Variants in PLEKHG1 observed in about 807,000 individuals in gnomAD.
The protein encoded by PLEKHG1 is pleckstrin homology domain-containing family G member 1.
Under a neutral mutation model 100.8 loss-of-function variants are expected in PLEKHG1, and 44 were observed. The observed-to-expected ratio is 0.44, with a 90% confidence interval of 0.34 to 0.56. The LOEUF is 0.56. Among genes scored for constraint, PLEKHG1 ranks in the 20% least tolerant of loss-of-function variants. The pLI, the probability that PLEKHG1 is intolerant of heterozygous loss-of-function variation, is 0.01. For missense variants in PLEKHG1, 1,545 were observed against 1,720.9 expected (o/e 0.90, Z 1.81); for synonymous variants, 640 against 662.5 (o/e 0.97, Z 0.52).
chr6:150,841,367 C>CGTAAGCCAGAG (rs1404751677), exon 16 of PLEKHG1: 8 of 215,518 alleles, frequency 3.7e-5, no homozygotes, highest in Admixed American at 1.1e-4. Flanking sequence ...TTTGTGGTAA[C>CGTAAGCCAGAG]ACCTTAGGAT....
In PLEKHG1 at chr6:150,738,627, A is replaced by G. The variant is rs185913064; in HGVS notation, c.411+4535A>G. Among the ~76,000 whole-genome samples the G allele has an allele frequency of 2.3e-4, 35 of 152,288 alleles. No individual in the cohort carries two copies. The East Asian group carries it at 6.0e-3, about 26-fold the overall frequency. On this transcript the variant is annotated intron_variant, in intron 2 of 15. Transcript: ENST00000358517. ...AAATGAATTCCTAATGCTTTCTGAA[A>G]GTTGAACCCCAAAATGTGGTGGTTC... is the stretch of plus-strand genomic sequence containing the variant.
intron 3 of PLEKHG1, among the ~76,000 whole-genome samples, chr6:150,695,895 T>C (rs1379402252): frequency 1.3e-5 from 2 of 152,172 alleles, no homozygotes; most frequent in South Asian, 2.1e-4. Flanking sequence ...GTGAAATGAC[T>C]AAGTAGATGT....
intron 3 of PLEKHG1, among the ~76,000 whole-genome samples, chr6:150,781,166 C>T (rs77939291): frequency 0.2 from 30,104 of 149,800 alleles, 4,066 homozygotes; most frequent in African/African-American, 0.37. Flanking sequence ...TAAGCCACCG[C>T]GCCCGGCCAA....
chr6:150,661,216 C>T (rs548758763), intron 3 of PLEKHG1, among the ~76,000 whole-genome samples: 4 of 152,256 alleles, frequency 2.6e-5, no homozygotes, highest in East Asian at 1.9e-4. Flanking sequence ...GCTGGTCCAG[C>T]GCTCACTAAC....
chr6:150,703,229 G>A (rs1196292292), intron 3 of PLEKHG1, among the ~76,000 whole-genome samples: 3 of 152,124 alleles, frequency 2.0e-5, no homozygotes, highest in East Asian at 3.8e-4. Context: ...GAAAGCAGAT[G>A]AGGATGTACA....
intron 3 of PLEKHG1, among the ~76,000 whole-genome samples, chr6:150,677,655 A>C (rs1779805574): frequency 6.6e-6 from 1 of 152,098 alleles, no homozygotes; most frequent in African/African-American, 2.4e-5. Context: ...GGATCACTTG[A>C]GGCCAGGAAT....
At chr6:150,805,636 T>G (rs1400967385) in intron 7 of PLEKHG1, among the ~76,000 whole-genome samples, 2 of 152,030 alleles carry the variant, frequency 1.3e-5, no homozygotes, top group African/African-American at 2.4e-5. Context: ...CAAGCGATCC[T>G]CCTGCCTCAG....
intron 2 of PLEKHG1, among the ~76,000 whole-genome samples, chr6:150,738,212 T>C (rs896230780): frequency 5.9e-5 from 9 of 152,174 alleles, no homozygotes; most frequent in Admixed American, 5.9e-4. Flanking sequence ...TTTCTGACTT[T>C]GTACACTCTG....
At chr6:150,679,550 T>C (rs1779866305) in intron 3 of PLEKHG1, among the ~76,000 whole-genome samples, 3 of 152,250 alleles carry the variant, frequency 2.0e-5, no homozygotes, top group Admixed American at 2.0e-4. Flanking sequence ...AATAGCATAC[T>C]TTAAAAAATT....
intron 15 of PLEKHG1, among the ~76,000 whole-genome samples, chr6:150,836,842 G>GAA (rs1777247789): frequency 6.8e-6 from 1 of 146,062 alleles, no homozygotes; most frequent in East Asian, 2.0e-4. Flanking sequence ...AAAAAGAAAA[G>GAA]AAAAGCTCAG....
intron 2 of PLEKHG1, among the ~76,000 whole-genome samples, chr6:150,734,966 T>G (rs555527215): frequency 2.8e-4 from 42 of 150,414 alleles, no homozygotes; most frequent in Non-Finnish European, 5.6e-4. Context: ...AAAATATTAC[T>G]ATCTCAAGGG....
At chr6:150,792,803 T>C (rs1309630351) in intron 4 of PLEKHG1, among the ~76,000 whole-genome samples, 1 of 152,164 alleles carries the variant, frequency 6.6e-6, no homozygotes, top group Non-Finnish European at 1.5e-5. Flanking sequence ...AAACACTGTT[T>C]CCTGCCAGAA....
At position 150,817,840 on chromosome 6, in the gene PLEKHG1, G is replaced by T. The variant is rs1776067106; in HGVS notation, c.1279-343G>T. 1.3e-5 allele frequency among the ~76,000 whole-genome samples: 2 copies of T among 151,728 alleles called. 1 individual carries two copies. Among genetic ancestry groups the T allele is most frequent in the Admixed American group, 1.3e-4 (2 of 15,234 alleles). ...GCCTCCCAAAGTGCTGGGATTACAG[G>T]CGTGAGCTACCGCGCCCAGCCGAGA... On this transcript the variant is annotated intron_variant, in intron 10 of 15. Transcript: ENST00000358517.
rs1269659572 is a variant in PLEKHG1, at chr6:150,818,168, C to A, written c.1279-15C>A. 4 of 1,597,804 alleles carry A rather than the reference C, an allele frequency of 2.5e-6. No homozygotes were observed. In the South Asian group the frequency reaches 4.4e-5, roughly 18 times the overall value. The stretch of plus-strand genomic sequence containing the variant: ...AAAAGCAATTGGAATTACAGCTCTA[C>A]TTTCTCTCTTTCAGGCCAAGCAAGC... On this transcript the variant is annotated splice_polypyrimidine_tract_variant and intron_variant, in intron 10 of 15. Coordinates refer to ENST00000358517, the Ensembl canonical transcript of PLEKHG1.
At chr6:150,654,652 G>A (rs1479682439) in intron 3 of PLEKHG1, among the ~76,000 whole-genome samples, 1 of 152,246 alleles carries the variant, frequency 6.6e-6, no homozygotes, top group Non-Finnish European at 1.5e-5. Context: ...GCATGCTCAA[G>A]AAGGAAACAA....
chr6:150,815,553 G>A (rs1183487079), intron 10 of PLEKHG1, among the ~76,000 whole-genome samples: 8 of 152,304 alleles, frequency 5.3e-5, no homozygotes, highest in Admixed American at 6.5e-5. Context: ...GAGAGAGACT[G>A]AGCTAACATT....
At chr6:150,783,186 A>AC (rs1785421607) in intron 3 of PLEKHG1, among the ~76,000 whole-genome samples, 1 of 148,370 alleles carries the variant, frequency 6.7e-6, no homozygotes, top group East Asian at 2.0e-4. Context: ...AAAAAAAAAA[A>AC]GGGAAATAAA....
intron 1 of PLEKHG1, among the ~76,000 whole-genome samples, chr6:150,636,161 C>T (rs893172756): frequency 6.6e-6 from 1 of 152,004 alleles, no homozygotes; most frequent in South Asian, 2.1e-4. Flanking sequence ...TCTATAGATA[C>T]CTCTTCAGGG....
intron 2 of PLEKHG1, among the ~76,000 whole-genome samples, chr6:150,648,186 T>C (rs1479884270): frequency 6.6e-6 from 1 of 152,170 alleles, no homozygotes; most frequent in African/African-American, 2.4e-5. Context: ...TAATTTGTTT[T>C]AAATGATCTT....
Sources: allele counts gnomAD v4.1 joint callset (sites outside exome capture counted in the v4.1 genomes callset), GRCh38; gene constraint gnomAD v4.1.1; transcripts MANE v1.5; gene names NCBI Gene and HGNC (gene_info 2026-07-23, HGNC 2026-07-21).